Variants in RBFOX1 observed in about 807,000 individuals in gnomAD.
RBFOX1 encodes the protein RNA binding fox-1 homolog 1, also known as RNA binding protein fox-1 homolog 1.
A neutral mutation model predicts 57.7 loss-of-function variants in RBFOX1; 8 were observed. That is an observed-to-expected ratio of 0.14 (90% CI 0.08 to 0.25). RBFOX1 has a LOEUF of 0.25. Ranked by LOEUF, RBFOX1 falls within the 10% of genes least tolerant of loss-of-function variation. RBFOX1 has a pLI of 1.00. For missense variants in RBFOX1, 611 were observed against 548.5 expected (o/e 1.11, Z -1.14); for synonymous variants, 326 against 222.4 (o/e 1.47, Z -4.15).
chr16:7,141,085 G>C (rs1322034627), intron 4 of RBFOX1, among the ~76,000 whole-genome samples: 1 of 152,098 alleles, frequency 6.6e-6, no homozygotes, highest in Non-Finnish European at 1.5e-5. Flanking sequence ...GATGAGCTGG[G>C]GTGGTTTCTG....
At chr16:6,938,930 T>A (rs1267977841) in intron 3 of RBFOX1, among the ~76,000 whole-genome samples, 1 of 152,058 alleles carries the variant, frequency 6.6e-6, no homozygotes, top group East Asian at 1.9e-4. Flanking sequence ...AGAGTCCATC[T>A]CAAAAAAGAA....
intron 4 of RBFOX1, among the ~76,000 whole-genome samples, chr16:7,340,466 G>A (rs898962620): frequency 7.9e-5 from 12 of 152,104 alleles, no homozygotes; most frequent in South Asian, 4.1e-4. Context: ...TATCTTCTCC[G>A]TTGCACTAAT....
At chr16:6,686,251 A>C (rs1440227441) in intron 3 of RBFOX1, among the ~76,000 whole-genome samples, 1 of 152,194 alleles carries the variant, frequency 6.6e-6, no homozygotes, top group Admixed American at 6.5e-5. Context: ...TAGATGAGAC[A>C]GTGGTCAGGG....
intron 4 of RBFOX1, among the ~76,000 whole-genome samples, chr16:7,097,215 G>T (rs1159547908): frequency 6.6e-6 from 1 of 152,136 alleles, no homozygotes; most frequent in Non-Finnish European, 1.5e-5. Context: ...TTAGGAAACT[G>T]CTATGAGGTA....
At chr16:7,097,243 T>A (rs2061857361) in intron 4 of RBFOX1, among the ~76,000 whole-genome samples, 1 of 151,024 alleles carries the variant, frequency 6.6e-6, no homozygotes, top group Non-Finnish European at 1.5e-5. Context: ...GCTAGGGAGG[T>A]GTGGTGGTTA....
chr16:6,905,719 T>C (rs2069702587), intron 3 of RBFOX1, among the ~76,000 whole-genome samples: 1 of 152,180 alleles, frequency 6.6e-6, no homozygotes, highest in Admixed American at 6.5e-5. Context: ...TAGAAAGAAT[T>C]TCTCTCCAAT....
chr16:6,259,030 C>G (rs1384530167), intron 1 of RBFOX1, among the ~76,000 whole-genome samples: 12 of 152,148 alleles, frequency 7.9e-5, no homozygotes, highest in Admixed American at 7.9e-4. Flanking sequence ...TGCTCACTTT[C>G]TAAATCAAAA....
intron 2 of RBFOX1, among the ~76,000 whole-genome samples, chr16:6,318,857 T>C (rs897095947): frequency 2.0e-5 from 3 of 151,914 alleles, no homozygotes; most frequent in Non-Finnish European, 4.4e-5. Context: ...AGATGCCTTA[T>C]TGGGGATGTT....
intron 3 of RBFOX1, among the ~76,000 whole-genome samples, chr16:6,689,382 G>C (rs544495037): frequency 2.6e-5 from 4 of 152,170 alleles, no homozygotes; most frequent in South Asian, 4.1e-4. Flanking sequence ...TGAAAATCTA[G>C]ATTTATTTGA....
At chr16:7,379,109 A>G (rs1406194932) in intron 4 of RBFOX1, among the ~76,000 whole-genome samples, 1 of 152,230 alleles carries the variant, frequency 6.6e-6, no homozygotes, top group African/African-American at 2.4e-5. Flanking sequence ...TAAACATTTA[A>G]TAATGGTAGC....
chr16:7,139,957 GT>G (rs1306513662), intron 4 of RBFOX1, among the ~76,000 whole-genome samples: 1 of 152,078 alleles, frequency 6.6e-6, no homozygotes, highest in African/African-American at 2.4e-5. Flanking sequence ...ACTGACATGA[GT>G]TTTAGTTGCT....
intron 10 of RBFOX1, among the ~76,000 whole-genome samples, chr16:7,625,290 C>T (rs747489642): frequency 2.6e-5 from 4 of 152,158 alleles, no homozygotes; most frequent in Middle Eastern, 3.4e-3. Context: ...TTCCTAATGG[C>T]GGGTATTTGC....
At chr16:5,501,625 T>C (rs1018894273) in intron 2 of RBFOX1, among the ~76,000 whole-genome samples, 1 of 152,206 alleles carries the variant, frequency 6.6e-6, no homozygotes, top group African/African-American at 2.4e-5. Context: ...TCCTCCTAAG[T>C]TGCTCAAATA....
chr16:6,073,077 G>C (rs1199129756), intron 1 of RBFOX1, among the ~76,000 whole-genome samples: 1 of 152,204 alleles, frequency 6.6e-6, no homozygotes, highest in African/African-American at 2.4e-5. Flanking sequence ...TGATGAGTCA[G>C]AATTTGCATC....
At chr16:6,937,598 AAT>A (rs1360870780) in intron 3 of RBFOX1, among the ~76,000 whole-genome samples, 3 of 152,074 alleles carry the variant, frequency 2.0e-5, no homozygotes, top group Non-Finnish European at 2.9e-5. Flanking sequence ...GCATTAATCA[AAT>A]ACATGTGAGA....
At chr16:7,181,824 G>A (rs918968351) in intron 4 of RBFOX1, among the ~76,000 whole-genome samples, 3 of 152,100 alleles carry the variant, frequency 2.0e-5, no homozygotes, top group African/African-American at 7.2e-5. Context: ...GCCTCCCAAA[G>A]TGCTAGGATT....
intron 3 of RBFOX1, among the ~76,000 whole-genome samples, chr16:5,790,368 G>C (rs1385365599): frequency 1.3e-5 from 2 of 152,198 alleles, no homozygotes; most frequent in African/African-American, 2.4e-5. Flanking sequence ...CCAAGGTGCA[G>C]AGACCGTACA....
At chr16:7,354,047 C>T (rs1270927905) in intron 4 of RBFOX1, among the ~76,000 whole-genome samples, 1 of 152,152 alleles carries the variant, frequency 6.6e-6, no homozygotes, top group Non-Finnish European at 1.5e-5. Flanking sequence ...TCTGGGCTCG[C>T]TGCAACCTCT....
chr16:5,917,734 C>T (rs9937605), intron 4 of RBFOX1, among the ~76,000 whole-genome samples: 2 of 152,154 alleles, frequency 1.3e-5, no homozygotes, highest in South Asian at 2.1e-4. Flanking sequence ...CCTTGCTTCA[C>T]CACGTGATCC....
Sources: gnomAD v4.1 joint callset for allele counts (sites outside exome capture counted in the v4.1 genomes callset) on GRCh38, gnomAD v4.1.1 for gene constraint, MANE v1.5 for transcripts, NCBI Gene and HGNC (gene_info 2026-07-23, HGNC 2026-07-21) for gene names.